CDH18: variants seen among roughly 807,000 people sequenced by gnomAD.
The protein encoded by CDH18 is cadherin 18.
A neutral mutation model predicts 67.9 loss-of-function variants in CDH18; 31 were observed. The ratio of observed to expected loss-of-function variants is 0.46; its 90% CI spans 0.34 to 0.62. The LOEUF (loss-of-function observed/expected upper bound fraction) is 0.62. Among genes scored for constraint, CDH18 ranks in the 20% least tolerant of loss-of-function variants. CDH18 has a pLI of 0.01. For synonymous variants in CDH18, 362 were observed against 347.2 expected (o/e 1.04, Z -0.48); for missense variants, 890 against 975.5 (o/e 0.91, Z 1.17).
chr5:20,012,269 C>G (rs150916688), intron 2 of CDH18, among the ~76,000 whole-genome samples: 1 of 149,954 alleles, frequency 6.7e-6, no homozygotes, highest in Non-Finnish European at 1.5e-5. Context: ...CTGTGTGGTC[C>G]GCCAAAATAT....
At chr5:19,521,111 A>G (rs1415563597) in intron 9 of CDH18, among the ~76,000 whole-genome samples, 2 of 152,208 alleles carry the variant, frequency 1.3e-5, no homozygotes, top group African/African-American at 2.4e-5. Flanking sequence ...TTCATCATTA[A>G]TCTAAGAAAA....
intron 2 of CDH18, among the ~76,000 whole-genome samples, chr5:20,031,118 T>A (rs879838991): frequency 5.9e-5 from 9 of 152,110 alleles, no homozygotes; most frequent in African/African-American, 2.2e-4. Flanking sequence ...ACTGCGCCAG[T>A]GTTTTTAGCA....
chr5:19,988,416 A>G (rs1029119321), upstream of CDH18, among the ~76,000 whole-genome samples: 2 of 151,942 alleles, frequency 1.3e-5, no homozygotes, highest in East Asian at 3.9e-4. Context: ...GGGCTGCACA[A>G]ATTCCACAGC....
intron 3 of CDH18, among the ~76,000 whole-genome samples, chr5:19,808,244 T>C (rs980114634): frequency 2.6e-5 from 4 of 151,994 alleles, no homozygotes; most frequent in Admixed American, 2.6e-4. Flanking sequence ...TTGATTATAT[T>C]TAACTTTGTA....
At chr5:20,199,039 C>T (rs1739226034) in intron 2 of CDH18, among the ~76,000 whole-genome samples, 1 of 152,210 alleles carries the variant, frequency 6.6e-6, no homozygotes, top group Non-Finnish European at 1.5e-5. Flanking sequence ...AGGGGCAGAG[C>T]CCTCATGAAG....
chr5:20,205,994 G>A (rs778823070), intron 2 of CDH18, among the ~76,000 whole-genome samples: 5 of 151,678 alleles, frequency 3.3e-5, no homozygotes, highest in African/African-American at 4.8e-5. Flanking sequence ...AAATAATAAA[G>A]ATTAGAGCAG....
intron 5 of CDH18, among the ~76,000 whole-genome samples, chr5:19,625,068 T>C (rs1751313503): frequency 6.6e-6 from 1 of 151,960 alleles, no homozygotes; most frequent in Non-Finnish European, 1.5e-5. Context: ...AATTAAATCA[T>C]ACATAATAAT....
intron 1 of CDH18, among the ~76,000 whole-genome samples, chr5:20,275,365 C>A (rs1745730572): frequency 6.6e-6 from 1 of 152,054 alleles, no homozygotes; most frequent in Non-Finnish European, 1.5e-5. Flanking sequence ...AAGGTCATTG[C>A]TTTCCCTTCA....
chr5:19,673,355 A>G (rs1759014144), intron 5 of CDH18, among the ~76,000 whole-genome samples: 1 of 152,076 alleles, frequency 6.6e-6, no homozygotes, highest in Non-Finnish European at 1.5e-5. Context: ...TTAGCAAATA[A>G]AGTTATATTT....
Position 20,312,140 on chromosome 5 carries a change from T to C in CDH18, c.-579-56635A>G, listed in dbSNP as rs760372243. On this transcript the variant is annotated intron_variant, in intron 1 of 14. Transcript: ENST00000507958. ...TGTCAACTCACAAGATAATGGCTGC[T>C]TCATTAGCTTAGCTAATAACAAAAT... 3.4e-4 allele frequency among the ~76,000 whole-genome samples: 51 copies of C among 152,196 alleles called. 1 individual carries two copies. Among genetic ancestry groups the C allele is most frequent in the Non-Finnish European group, 6.0e-4 (41 of 68,038 alleles).
chr5:20,157,033 A>C (rs1243362350), intron 2 of CDH18, among the ~76,000 whole-genome samples: 1 of 152,172 alleles, frequency 6.6e-6, no homozygotes, highest in Admixed American at 6.5e-5. Flanking sequence ...AACTGTGATG[A>C]CTTTTAAGTG....
intron 1 of CDH18, among the ~76,000 whole-genome samples, chr5:20,524,844 T>C (rs1755951515): frequency 6.6e-6 from 1 of 152,188 alleles, no homozygotes; most frequent in East Asian, 1.9e-4. Flanking sequence ...CCTTGTTAAC[T>C]CAGTAAAGGC....
At chr5:19,730,599 T>C (rs1353339979) in intron 4 of CDH18, among the ~76,000 whole-genome samples, 1 of 152,230 alleles carries the variant, frequency 6.6e-6, no homozygotes, top group Non-Finnish European at 1.5e-5. Context: ...AGTTATGTTT[T>C]TAATAATTTT....
intron 1 of CDH18, among the ~76,000 whole-genome samples, chr5:20,499,801 G>A (rs960025333): frequency 1.3e-5 from 2 of 152,108 alleles, no homozygotes; most frequent in Admixed American, 6.6e-5. Context: ...AAATGTTCAC[G>A]TGTGGATGAT....
At chr5:20,223,153 C>T (rs1183669512) in intron 2 of CDH18, among the ~76,000 whole-genome samples, 1 of 152,070 alleles carries the variant, frequency 6.6e-6, no homozygotes, top group Non-Finnish European at 1.5e-5. Flanking sequence ...GAGCTGTACC[C>T]TGCAAAGTCA....
At chr5:19,771,500 A>G (rs1773727461) in intron 3 of CDH18, among the ~76,000 whole-genome samples, 1 of 152,090 alleles carries the variant, frequency 6.6e-6, no homozygotes, top group African/African-American at 2.4e-5. Context: ...TTGGAAGGAG[A>G]TTTTCCACAA....
At chr5:20,356,096 C>T (rs1180763252) in intron 1 of CDH18, among the ~76,000 whole-genome samples, 1 of 152,154 alleles carries the variant, frequency 6.6e-6, no homozygotes, top group East Asian at 1.9e-4. Context: ...ATTAAAAACA[C>T]TCCAGACTAG....
intron 2 of CDH18, among the ~76,000 whole-genome samples, chr5:19,892,705 C>T (rs926959326): frequency 1.3e-5 from 2 of 152,030 alleles, no homozygotes; most frequent in Admixed American, 6.6e-5. Flanking sequence ...ATCACACGGA[C>T]ATTCAAGCAG....
rs530463225 is a variant in CDH18, at chr5:20,271,920, G to A, written c.-579-16415C>T. Among the ~76,000 whole-genome samples, 767 of 140,012 alleles carry A rather than the reference G, an allele frequency of 5.5e-3. 2 individuals carry two copies. Among genetic ancestry groups the A allele is most frequent in the Non-Finnish European group, 9.0e-3 (598 of 66,754 alleles). 91.9% of individuals were successfully genotyped at this position (140,012 alleles called of 152,430 possible). On this transcript the variant is annotated intron_variant, in intron 1 of 14. Coordinates refer to the CDH18 transcript ENST00000507958. ...TATAACATCTGCCACTTGCTGTAGA[G>A]AGGCAGAGAGAGAGAGAGAGAGAGA...
Sources: allele counts gnomAD v4.1 joint callset (sites outside exome capture counted in the v4.1 genomes callset), GRCh38; gene constraint gnomAD v4.1.1; transcripts MANE v1.5; gene names NCBI Gene and HGNC (gene_info 2026-07-23, HGNC 2026-07-21).